Variants in GRIK4 observed in about 807,000 individuals in gnomAD.
GRIK4 encodes the protein glutamate ionotropic receptor kainate type subunit 4.
In GRIK4, 40 loss-of-function variants were observed where a neutral mutation model predicts 104.9. The ratio of observed to expected loss-of-function variants is 0.38; its 90% CI spans 0.30 to 0.50. The LOEUF (loss-of-function observed/expected upper bound fraction) is 0.50. Among genes scored for constraint, GRIK4 ranks in the 20% least tolerant of loss-of-function variants. GRIK4 has a pLI of 0.93. For missense variants in GRIK4, 1,047 were observed against 1,308.1 expected (o/e 0.80, Z 3.08); for synonymous variants, 485 against 524.9 (o/e 0.92, Z 1.04).
At chr11:120,916,353 A>G (rs1943104602) in intron 13 of GRIK4, among the ~76,000 whole-genome samples, 1 of 152,276 alleles carries the variant, frequency 6.6e-6, no homozygotes, top group Non-Finnish European at 1.5e-5. Flanking sequence ...TGTATTAGAC[A>G]TAGCAAAGTA....
chr11:120,862,265 G>A, intron 9 of GRIK4, 145 bp downstream of exon 9: 2 of 719,874 alleles, frequency 2.8e-6, no homozygotes, highest in East Asian at 2.5e-5. Flanking sequence ...AGAGAGGTGT[G>A]GGAAGTGGTT....
intron 3 of GRIK4, among the ~76,000 whole-genome samples, chr11:120,772,090 GAGCCTTGTGGGCTC>G (rs1207811835): frequency 6.6e-6 from 1 of 152,214 alleles, no homozygotes; most frequent in African/African-American, 2.4e-5. Flanking sequence ...GGACCACTCA[GAGCCTTGTGGGCTC>G]AGCCTCTGCC....
intron 1 of GRIK4, among the ~76,000 whole-genome samples, chr11:120,604,798 C>T (rs919283762): frequency 2.0e-5 from 3 of 152,182 alleles, no homozygotes; most frequent in African/African-American, 7.2e-5. Context: ...TAAGAGAAAA[C>T]AATGTGTATG....
chr11:120,707,912 A>G (rs1950657940), intron 3 of GRIK4, among the ~76,000 whole-genome samples: 1 of 152,206 alleles, frequency 6.6e-6, no homozygotes, highest in East Asian at 1.9e-4. Flanking sequence ...TGAGCAACCC[A>G]CAAGAACCAT....
Position 120,930,093 on chromosome 11 carries a change from G to A in GRIK4, c.1477-10254G>A, listed in dbSNP as rs1943452746. Among the ~76,000 whole-genome samples, 4 of 152,086 alleles carry A rather than the reference G, an allele frequency of 2.6e-5. No individual in the cohort carries two copies. The South Asian group carries it at 8.3e-4, about 32-fold the overall frequency. On this transcript the variant is annotated intron_variant, in intron 13 of 20. Coordinates refer to ENST00000527524, the MANE Select transcript of GRIK4 (RefSeq NM_014619.5). Reference sequence around the variant, plus strand: ...GTGCCCTCTTGGGGAAAGTCACTGCGAACAGTGCAGTAATAAGAAAGCCAA... The same window carrying A: ...GTGCCCTCTTGGGGAAAGTCACTGCAAACAGTGCAGTAATAAGAAAGCCAA...
chr11:120,601,919 C>G (rs1200549772), intron 1 of GRIK4, among the ~76,000 whole-genome samples: 2 of 152,090 alleles, frequency 1.3e-5, no homozygotes, highest in African/African-American at 4.8e-5. Flanking sequence ...GTACAGTGGG[C>G]TAAGCGGCTT....
intron 4 of GRIK4, among the ~76,000 whole-genome samples, chr11:120,810,996 G>A (rs1952817972): frequency 2.0e-5 from 3 of 152,188 alleles, no homozygotes; most frequent in Admixed American, 6.5e-5. Context: ...CCCCACAAGT[G>A]TTCACAGACC....
chr11:120,676,295 A>G (rs1950098262), intron 3 of GRIK4, among the ~76,000 whole-genome samples: 3 of 152,232 alleles, frequency 2.0e-5, no homozygotes, highest in African/African-American at 7.2e-5. Flanking sequence ...ATAAGCCAGG[A>G]TCATCTCCCT....
In GRIK4 at chr11:120,645,786, C is replaced by T. The variant is rs138268265; in HGVS notation, c.-158-7899C>T. On this transcript the variant is annotated intron_variant, in intron 1 of 20. Transcript: ENST00000527524. ...ACGTTCCCTTGCCTGCTGGCTGGGTCGGCTGGAAAACGAAAGCATTGGGAA... is the reference window on the plus strand; with the variant it reads ...ACGTTCCCTTGCCTGCTGGCTGGGTTGGCTGGAAAACGAAAGCATTGGGAA... Among the ~76,000 whole-genome samples, 13 of 152,278 alleles carry T rather than the reference C, an allele frequency of 8.5e-5. No individual in the cohort carries two copies. In the East Asian group the frequency reaches 2.1e-3, roughly 25 times the overall value.
At chr11:120,825,907 C>T (rs1953245566) in intron 6 of GRIK4, among the ~76,000 whole-genome samples, 1 of 152,042 alleles carries the variant, frequency 6.6e-6, no homozygotes, top group Admixed American at 6.6e-5. Flanking sequence ...TACCCAAGGC[C>T]CTGGAAGAGT....
chr11:120,976,594 T>C (rs533102559), intron 19 of GRIK4, among the ~76,000 whole-genome samples: 1 of 152,342 alleles, frequency 6.6e-6, no homozygotes, highest in East Asian at 1.9e-4. Flanking sequence ...CAAGAATCCA[T>C]GTTCTTGTCC....
intron 14 of GRIK4, among the ~76,000 whole-genome samples, chr11:120,947,172 G>A (rs1160512943): frequency 6.6e-6 from 1 of 152,198 alleles, no homozygotes; most frequent in Non-Finnish European, 1.5e-5. Context: ...GGGAGGCCGA[G>A]GCAGGCGGAT....
At chr11:120,700,525 C>G (rs1950535204) in intron 3 of GRIK4, among the ~76,000 whole-genome samples, 1 of 151,660 alleles carries the variant, frequency 6.6e-6, no homozygotes, top group Admixed American at 6.6e-5. Context: ...GTGGCGTGAT[C>G]TCGGCTCACT....
intron 3 of GRIK4, among the ~76,000 whole-genome samples, chr11:120,671,863 C>A (rs1950022855): frequency 6.6e-6 from 1 of 152,160 alleles, no homozygotes; most frequent in Non-Finnish European, 1.5e-5. Flanking sequence ...GTTTTCCCAA[C>A]ACCATTTATT....
chr11:120,917,247 C>CAAAAAAAAAAAAAAAAAAA (rs199620498), intron 13 of GRIK4, among the ~76,000 whole-genome samples: 2 of 34,792 alleles, frequency 5.7e-5, no homozygotes, highest in African/African-American at 1.1e-4. Flanking sequence ...AACTCCGTCT[C>CAAAAAAAAAAAAAAAAAAA]AAAAAAAAAA....
chr11:120,792,253 CGTGTGTGTGT>C (rs562124583), intron 3 of GRIK4, among the ~76,000 whole-genome samples: 1 of 148,890 alleles, frequency 6.7e-6, no homozygotes, highest in East Asian at 2.0e-4. Flanking sequence ...TGTGTGTGTG[CGTGTGTGTGT>C]GTGTAAGGGG....
chr11:120,846,718 G>A (rs1032018499), intron 8 of GRIK4, among the ~76,000 whole-genome samples: 3 of 152,142 alleles, frequency 2.0e-5, no homozygotes, highest in African/African-American at 7.2e-5. Context: ...TGTGATCTTG[G>A]ACAAGCCCTT....
chr11:120,538,218 G>T (rs1947998605), intron 1 of GRIK4, among the ~76,000 whole-genome samples: 1 of 152,240 alleles, frequency 6.6e-6, no homozygotes, highest in African/African-American at 2.4e-5. Context: ...TGCTTTCCAA[G>T]ACAGGGCCGC....
At chr11:120,626,806 C>T (rs1209338005) in intron 1 of GRIK4, among the ~76,000 whole-genome samples, 2 of 152,154 alleles carry the variant, frequency 1.3e-5, no homozygotes, top group Non-Finnish European at 2.9e-5. Flanking sequence ...GATCAGGGCT[C>T]GTCAGGAGGA....
Sources: gnomAD v4.1 joint callset for allele counts (sites outside exome capture counted in the v4.1 genomes callset) on GRCh38, gnomAD v4.1.1 for gene constraint, MANE v1.5 for transcripts, NCBI Gene and HGNC (gene_info 2026-07-23, HGNC 2026-07-21) for gene names.